Variants in SNX9 observed in about 807,000 individuals in gnomAD.
SNX9 encodes sorting nexin-9.
Under a neutral mutation model 89.4 loss-of-function variants are expected in SNX9, and 44 were observed. That is an observed-to-expected ratio of 0.49 (90% CI 0.39 to 0.63). The LOEUF is 0.63. Ranked by LOEUF, SNX9 falls within the 30% of genes least tolerant of loss-of-function variation. The pLI is 0.00. For missense variants in SNX9, 578 were observed against 736.1 expected (o/e 0.79, Z 2.49); for synonymous variants, 236 against 247.8 (o/e 0.95, Z 0.45).
intron 13 of SNX9, among the ~76,000 whole-genome samples, chr6:157,935,665 T>C (rs1002431665): frequency 6.6e-6 from 1 of 152,164 alleles, no homozygotes; most frequent in Non-Finnish European, 1.5e-5. Flanking sequence ...AGTCTCGTCA[T>C]AGGTGTCATA....
intron 16 of SNX9, among the ~76,000 whole-genome samples, chr6:157,940,007 A>G (rs1784003687): frequency 6.6e-6 from 1 of 152,156 alleles, no homozygotes. Context: ...GTATTCAGCA[A>G]ACATGAAGAA....
chr6:157,897,183 C>G (rs1467735701), intron 5 of SNX9, among the ~76,000 whole-genome samples, 185 bp downstream of exon 5: 1 of 143,120 alleles, frequency 7.0e-6, no homozygotes, highest in Non-Finnish European at 1.6e-5. Flanking sequence ...AGCTGAGTGT[C>G]CTACAGTCAT....
chr6:157,876,863 G>A (rs1164771165), intron 4 of SNX9, among the ~76,000 whole-genome samples: 1 of 152,190 alleles, frequency 6.6e-6, no homozygotes, highest in East Asian at 1.9e-4. Flanking sequence ...TCACATGCAC[G>A]CCACCTCAGT....
At chr6:157,853,049 C>T (rs1340166880) in intron 1 of SNX9, among the ~76,000 whole-genome samples, 1 of 151,280 alleles carries the variant, frequency 6.6e-6, no homozygotes, top group Non-Finnish European at 1.5e-5. Flanking sequence ...ATTCCTGGTG[C>T]TCTTCCTTCT....
Position 157,901,990 on chromosome 6 carries a change from G to A in SNX9, c.565G>A (p.Ala189Thr), listed in dbSNP as rs200128498. The change falls in exon 6 of 18, where the codon GCT becomes ACT. Residue 189 changes from alanine (A) to threonine (T), a missense_variant. Coordinates refer to ENST00000392185, the MANE Select transcript of SNX9 (RefSeq NM_016224.5). ...KDSESADAGG[A>T]QRGNSRASSS... is the part of the protein sequence containing the mutation. The stretch of plus-strand genomic sequence containing the variant: ...TTCAGAGTCAGCTGATGCAGGCGGC[G>A]CTCAGCGAGGAAACAGTCGTGCTAG... The A allele has an allele frequency of 9.4e-5, 152 of 1,613,710 alleles. 1 individual carries two copies. In the East Asian group the frequency reaches 2.9e-3, roughly 31 times the overall value.
In SNX9 at chr6:157,927,161, C is replaced by A; in HGVS notation, c.1131C>A (p.Val377=). 6.2e-7 allele frequency: 1 copy of A among 1,614,136 alleles called. No homozygotes were observed. The highest frequency in any genetic ancestry group is 8.5e-7 in the Non-Finnish European group (1 of 1,179,998). Residue 377 remains valine, a synonymous_variant, in exon 11 of 18, where the codon GTC becomes GTA. Coordinates refer to ENST00000392185, the MANE Select transcript of SNX9 (RefSeq NM_016224.5). ...CCGAGAGAGATGAGCTGGCGGGAGT[C>A]ATGATATTTTCCACCATGGAACCAG... ...RKAERDELAG[V]MIFSTMEPEA...
intron 1 of SNX9, among the ~76,000 whole-genome samples, chr6:157,852,686 C>G (rs1357817287): frequency 6.6e-6 from 1 of 152,196 alleles, no homozygotes; most frequent in African/African-American, 2.4e-5. Context: ...AAGCGATCCT[C>G]CCACTTCTAC....
intron 10 of SNX9, among the ~76,000 whole-genome samples, chr6:157,923,690 T>C (rs1047890059): frequency 6.6e-6 from 1 of 152,184 alleles, no homozygotes; most frequent in African/African-American, 2.4e-5. Flanking sequence ...TTATTGCGTA[T>C]CAGAACTCAT....
intron 1 of SNX9, among the ~76,000 whole-genome samples, chr6:157,835,755 G>T (rs1781570103): frequency 6.6e-6 from 1 of 152,074 alleles, no homozygotes; most frequent in East Asian, 1.9e-4. Context: ...AAGGTGCCTT[G>T]CTTCCCCTTC....
intron 9 of SNX9, among the ~76,000 whole-genome samples, chr6:157,918,899 T>A (rs1033168864): frequency 3.3e-5 from 5 of 152,212 alleles, no homozygotes; most frequent in South Asian, 2.1e-4. Flanking sequence ...GCCATTATTT[T>A]TATATATATT....
Position 157,826,760 on chromosome 6 carries a change from T to G in SNX9, c.12+3314T>G, listed in dbSNP as rs183855590. On this transcript the variant is annotated intron_variant, in intron 1 of 17. Coordinates refer to ENST00000392185, the MANE Select transcript of SNX9 (RefSeq NM_016224.5). ...ACCTATTTATATTATAGGTTTTATA[T>G]ATATATGATATATAAATATATTATA... Among the ~76,000 whole-genome samples the G allele has an allele frequency of 9.0e-4, 111 of 123,302 alleles. 5 individuals are homozygous for G. In the East Asian group the frequency reaches 0.019, roughly 21 times the overall value. 80.9% of individuals were successfully genotyped at this position (123,302 alleles called of 152,430 possible).
chr6:157,830,569 G>A (rs967338788), intron 1 of SNX9: 2 of 152,318 alleles, frequency 1.3e-5, no homozygotes, highest in African/African-American at 2.4e-5. Flanking sequence ...GAGGACAGGT[G>A]CTACGTTAGT....
chr6:157,907,162 T>A (rs941505871), intron 7 of SNX9, among the ~76,000 whole-genome samples: 3 of 151,912 alleles, frequency 2.0e-5, no homozygotes, highest in Middle Eastern at 3.4e-3. Flanking sequence ...ATATTAAAGA[T>A]TTTTTTTTCC....
At chr6:157,880,582 T>G (rs1421312099) in intron 4 of SNX9, among the ~76,000 whole-genome samples, 1 of 152,244 alleles carries the variant, frequency 6.6e-6, no homozygotes, top group East Asian at 1.9e-4. Context: ...TCTGTTTCTC[T>G]GAAATGTTAC....
At chr6:157,826,271 G>A (rs2115100134) in intron 1 of SNX9, among the ~76,000 whole-genome samples, 1 of 152,128 alleles carries the variant, frequency 6.6e-6, no homozygotes, top group Admixed American at 6.5e-5. Context: ...GGCCGAGGCG[G>A]GCGGATCACG....
At chr6:157,933,246 A>G (rs572581458) in intron 13 of SNX9, among the ~76,000 whole-genome samples, 2 of 152,218 alleles carry the variant, frequency 1.3e-5, no homozygotes, top group East Asian at 3.9e-4. Flanking sequence ...GTGTGCCATG[A>G]TCACACCACT....
intron 4 of SNX9, among the ~76,000 whole-genome samples, chr6:157,878,253 G>A (rs747194950): frequency 2.0e-5 from 3 of 152,200 alleles, no homozygotes; most frequent in Non-Finnish European, 4.4e-5. Flanking sequence ...CAGCCAAAAC[G>A]CAGTTCAGCT....
chr6:157,875,136 C>T lies in SNX9; in HGVS notation c.260C>T (p.Thr87Ile). ...QAFLDSLSASTAQASSSAASN... is the reference protein window; with the variant it reads ...QAFLDSLSASIAQASSSAASN... Reference sequence around the variant, plus strand: ...TTCCTTGATTCTCTCTCAGCCAGCACAGCTCAGGCCAGTTCGTCGGCTGCC... The same window carrying T: ...TTCCTTGATTCTCTCTCAGCCAGCATAGCTCAGGCCAGTTCGTCGGCTGCC... Residue 87 changes from threonine to isoleucine, a missense_variant, in exon 4 of 18, where the codon ACA becomes ATA. Thr to Ile is a moderately conservative substitution (Grantham distance 89). This residue lies in a region of SNX9 where 230 missense variants were observed against 244.7 expected (regional missense o/e 0.94). Transcript: ENST00000392185. 3 of 1,612,236 alleles carry T rather than the reference C, an allele frequency of 1.9e-6. No homozygotes were observed. Among genetic ancestry groups the T allele is most frequent in the Non-Finnish European group, 2.5e-6 (3 of 1,179,102 alleles).
At chr6:157,871,911 G>C (rs1165644060) in intron 2 of SNX9, among the ~76,000 whole-genome samples, 1 of 151,210 alleles carries the variant, frequency 6.6e-6, no homozygotes, top group Non-Finnish European at 1.5e-5. Context: ...CGAGTAGCTG[G>C]GATTACAGGT....
Sources: gnomAD v4.1 joint callset for allele counts (sites outside exome capture counted in the v4.1 genomes callset) on GRCh38, gnomAD v4.1.1 for gene constraint, gnomAD v4.1.1 regional missense constraint, MANE v1.5 for transcripts, NCBI Gene and HGNC (gene_info 2026-07-23, HGNC 2026-07-21) for gene names.